Variants in OR11G2 observed in about 807,000 individuals in gnomAD.
OR11G2 encodes olfactory receptor 11G2.
A neutral mutation model predicts 0.9 loss-of-function variants in OR11G2; 2 were observed. The ratio of observed to expected loss-of-function variants is 2.35; its 90% CI spans 0.96 to 7.38. OR11G2 has a LOEUF of 7.38. Ranked by LOEUF, OR11G2 falls within the 30% of genes most tolerant of loss-of-function variation. The probability of loss-of-function intolerance (pLI) is 0.05; values close to 1 mark genes in which losing one functional copy is unlikely to be tolerated. For synonymous variants in OR11G2, 153 were observed against 142.0 expected (o/e 1.08, Z -0.55); for missense variants, 395 against 371.3 (o/e 1.06, Z -0.52).
intron 1 of OR11G2, among the ~76,000 whole-genome samples, chr14:20,192,547 G>A (rs1238709782): frequency 6.6e-6 from 1 of 152,140 alleles, no homozygotes; most frequent in East Asian, 1.9e-4. Flanking sequence ...GATTTCCCAT[G>A]GCTTCCTTTG....
At chr14:20,196,637 T>C (rs912273029) in intron 1 of OR11G2, among the ~76,000 whole-genome samples, 7 of 152,256 alleles carry the variant, frequency 4.6e-5, no homozygotes, top group African/African-American at 1.7e-4. Context: ...TAGAATTGCA[T>C]GTTATCAATT....
rs1566355067 is a variant in OR11G2 at position 20,200,482 on chromosome 14, T to C, written c.*2109T>C. The C allele has an allele frequency of 6.6e-6, 1 of 152,212 alleles. No individual in the cohort carries two copies. The allele number at this position is 152,212 out of a possible 1,614,324, so 9.4% of individuals were successfully genotyped here. On this transcript the variant is annotated 3_prime_UTR_variant, in exon 2 of 2. Coordinates refer to ENST00000641879, the MANE Select transcript of OR11G2 (RefSeq NM_001386033.1). ...TATATCTCACTTTTTATCTATTAAA[T>C]TGACAAAGATCAAGAAGTTTGATTA...
intron 1 of OR11G2, among the ~76,000 whole-genome samples, chr14:20,193,806 T>A (rs1879700416): frequency 6.6e-6 from 1 of 152,206 alleles, no homozygotes; most frequent in Admixed American, 6.5e-5. Context: ...TAAGAAAATG[T>A]TTGCTGACCC....
In OR11G2 at chr14:20,197,798, G is replaced by T. The variant is rs1380180988; in HGVS notation, c.361G>T (p.Val121Phe). 5.0e-6 allele frequency: 8 copies of T among 1,613,920 alleles called. No individual in the cohort carries two copies. In the Admixed American group the frequency reaches 1.2e-4, roughly 24 times the overall value. Reference protein sequence around the residue: ...LGSTECFFLAVMAFDRYLAIC... With the variant: ...LGSTECFFLAFMAFDRYLAIC... ...CTCTACAGAATGCTTTTTCCTGGCA[G>T]TTATGGCATTTGATCGATACCTTGC... is the stretch of plus-strand genomic sequence containing the variant. The change falls in exon 2 of 2, where the codon GTT becomes TTT. Residue 121 changes from valine to phenylalanine, a missense_variant. Val to Phe is a conservative substitution (Grantham distance 50). Coordinates refer to ENST00000641879, the MANE Select transcript of OR11G2 (RefSeq NM_001386033.1).
At position 20,200,709 on chromosome 14, in the gene OR11G2, T is replaced by C. The variant is rs982447056; in HGVS notation, c.*2336T>C. 4 of 152,236 alleles carry C rather than the reference T, an allele frequency of 2.6e-5. No individual in the cohort carries two copies. The highest frequency in any genetic ancestry group is 6.5e-5 in the Admixed American group (1 of 15,280). The allele number at this position is 152,236 out of a possible 1,614,324, so 9.4% of individuals were successfully genotyped here. On this transcript the variant is annotated 3_prime_UTR_variant, in exon 2 of 2. Coordinates refer to ENST00000641879, the MANE Select transcript of OR11G2 (RefSeq NM_001386033.1). ...CATGTGGGAAATGTTTACTGCAGCA[T>C]TGTTGTAATAGCAAAATATTGAGAA... is the stretch of plus-strand genomic sequence containing the variant.
intron 1 of OR11G2, among the ~76,000 whole-genome samples, chr14:20,194,579 A>G (rs1342775320): frequency 2.0e-5 from 3 of 152,206 alleles, no homozygotes; most frequent in African/African-American, 7.2e-5. Flanking sequence ...GAACACTAGC[A>G]AAAAAATCCT....
At chr14:20,191,916 A>G (rs1879659956) in intron 1 of OR11G2, among the ~76,000 whole-genome samples, 1 of 144,708 alleles carries the variant, frequency 6.9e-6, no homozygotes, top group Admixed American at 6.9e-5. Context: ...TTTTTGAGAC[A>G]GAGTTTCACT....
rs1220880427 is a variant in OR11G2, at chr14:20,199,995, T to C, written c.*1622T>C. 1 of 152,060 alleles carries C rather than the reference T, an allele frequency of 6.6e-6. No individual in the cohort carries two copies. Among genetic ancestry groups the C allele is most frequent in the Non-Finnish European group, 1.5e-5 (1 of 68,012 alleles). The allele number at this position is 152,060 out of a possible 1,614,324, so 9.4% of individuals were successfully genotyped here. ...AAAAATAGTCACCCAGAATTTGTAT[T>C]AGAAGCTTGGGCTAGTTCTCCTTGA... On this transcript the variant is annotated 3_prime_UTR_variant, in exon 2 of 2. Transcript: ENST00000641879.
In OR11G2 at chr14:20,197,918, T is replaced by C. The variant is rs2139114391; in HGVS notation, c.481T>C (p.Leu161=). ...CTGGGTACTTGGTTTCATCTGGTTC[T>C]TGATTCCTATCGTCAACATCTCCCA... is the stretch of plus-strand genomic sequence containing the variant. ...NCWVLGFIWF[L]IPIVNISQMS... is the part of the protein sequence containing the mutation. The change falls in exon 2 of 2, where the codon TTG becomes CTG. Residue 161 remains leucine, a synonymous_variant. Coordinates refer to ENST00000641879, the MANE Select transcript of OR11G2 (RefSeq NM_001386033.1). 2.5e-6 allele frequency: 4 copies of C among 1,614,156 alleles called. No individual in the cohort carries two copies. In the South Asian group the frequency reaches 4.4e-5, roughly 18 times the overall value.
rs141181712 is a variant in OR11G2 at position 20,198,328 on chromosome 14, G to A, written c.891G>A (p.Arg297=). The A allele has an allele frequency of 4.1e-4, 657 of 1,588,878 alleles. 3 individuals are homozygous for A. In the African/African-American group the frequency reaches 8.2e-3, roughly 20 times the overall value. The part of the protein sequence containing the change: ...PLLNPVIYSL[R]NKDMRKALKK... ...TTAACCCTGTGATATATAGTCTTAGGAACAAAGATATGAGAAAAGCTCTGA... is the reference window on the plus strand; with the variant it reads ...TTAACCCTGTGATATATAGTCTTAGAAACAAAGATATGAGAAAAGCTCTGA... The change falls in exon 2 of 2, where the codon AGG becomes AGA. Residue 297 remains arginine (R), a synonymous_variant. Transcript: ENST00000641879.
At position 20,198,266 on chromosome 14, in the gene OR11G2, A is replaced by C. The variant is rs1333210530; in HGVS notation, c.829A>C (p.Thr277Pro). ...PSKNEAGKQKTVTLFYSVVTP... is the reference protein window; with the variant it reads ...PSKNEAGKQKPVTLFYSVVTP... The stretch of plus-strand genomic sequence containing the variant: ...TAAGAATGAAGCTGGAAAGCAGAAG[A>C]CTGTGACTCTGTTTTATTCTGTTGT... The change falls in exon 2 of 2, where the codon ACT (threonine) becomes CCT (proline). Residue 277 changes from threonine (T) to proline (P), a missense_variant. Coordinates refer to ENST00000641879, the MANE Select transcript of OR11G2 (RefSeq NM_001386033.1). The C allele has an allele frequency of 1.2e-6, 2 of 1,613,626 alleles. No homozygotes were observed. Among genetic ancestry groups the C allele is most frequent in the Non-Finnish European group, 1.7e-6 (2 of 1,179,538 alleles).
Position 20,197,568 on chromosome 14 carries a change from T to C in OR11G2, c.131T>C (p.Met44Thr), listed in dbSNP as rs779976178. Reference protein sequence around the residue: ...LFTVVYLLTLMGNGSIICAVH... With the variant: ...LFTVVYLLTLTGNGSIICAVH... Reference sequence around the variant, plus strand: ...ACTGTTGTTTACCTCCTGACCCTCATGGGCAATGGTTCCATCATCTGTGCT... The same window carrying C: ...ACTGTTGTTTACCTCCTGACCCTCACGGGCAATGGTTCCATCATCTGTGCT... Residue 44 changes from methionine (M) to threonine (T), a missense_variant, in exon 2 of 2, where the codon ATG becomes ACG. Coordinates refer to ENST00000641879, the MANE Select transcript of OR11G2 (RefSeq NM_001386033.1). 4 of 1,614,202 alleles carry C rather than the reference T, an allele frequency of 2.5e-6. No homozygotes were observed. The highest frequency in any genetic ancestry group is 3.4e-6 in the Non-Finnish European group (4 of 1,180,040).
chr14:20,197,322 T>C, intron 1 of OR11G2, 112 bp from the exon 2 acceptor site: 1 of 1,384,412 alleles, frequency 7.2e-7, no homozygotes, highest in South Asian at 1.4e-5. Context: ...TACTTTTATT[T>C]CAATAGTAAA....
At chr14:20,192,949 G>T (rs1879684309) in intron 1 of OR11G2, among the ~76,000 whole-genome samples, 1 of 152,176 alleles carries the variant, frequency 6.6e-6, no homozygotes, top group Non-Finnish European at 1.5e-5. Flanking sequence ...CATGTGTATA[G>T]AGAGGAGACA....
At chr14:20,196,100 C>A (rs559536802) in intron 1 of OR11G2, among the ~76,000 whole-genome samples, 4 of 152,182 alleles carry the variant, frequency 2.6e-5, no homozygotes, top group Non-Finnish European at 4.4e-5. Flanking sequence ...TCCTCTGGTG[C>A]CATCTCCAGG....
At chr14:20,192,718 C>G (rs1251505435) in intron 1 of OR11G2, among the ~76,000 whole-genome samples, 1 of 152,170 alleles carries the variant, frequency 6.6e-6, no homozygotes, top group Non-Finnish European at 1.5e-5. Context: ...TCTATATCCT[C>G]TATAACAGTG....
At chr14:20,195,471 C>T (rs997281471) in intron 1 of OR11G2, among the ~76,000 whole-genome samples, 6 of 152,156 alleles carry the variant, frequency 3.9e-5, no homozygotes, top group East Asian at 3.9e-4. Flanking sequence ...ACCCAGGAGG[C>T]GGACATTGCA....
rs1307757543 is a variant in OR11G2, at chr14:20,197,511, G to A, written c.74G>A (p.Arg25Lys). The change falls in exon 2 of 2, where the codon AGG becomes AAG. Residue 25 changes from arginine to lysine, a missense_variant. Transcript: ENST00000641879. The stretch of plus-strand genomic sequence containing the variant: ...ATCCTCCTGGGCTTCCCTTGCCCCA[G>A]GGAGGGGCAGATCCTCCTCTTTGTG... ...GFILLGFPCP[R>K]EGQILLFVLF... is the part of the protein sequence containing the mutation. The A allele has an allele frequency of 1.2e-6, 2 of 1,613,860 alleles. No homozygotes were observed. Among genetic ancestry groups the A allele is most frequent in the East Asian group, 2.2e-5 (1 of 44,898 alleles).
chr14:20,195,544 A>C (rs1481730150), intron 1 of OR11G2, among the ~76,000 whole-genome samples: 3 of 152,186 alleles, frequency 2.0e-5, no homozygotes, highest in Non-Finnish European at 4.4e-5. Context: ...CATCTCAATA[A>C]ATAAATAAAT....
Sources: gnomAD v4.1 joint callset for allele counts (sites outside exome capture counted in the v4.1 genomes callset) on GRCh38, gnomAD v4.1.1 for gene constraint, MANE v1.5 for transcripts, NCBI Gene and HGNC (gene_info 2026-07-23, HGNC 2026-07-21) for gene names.